GALNTL6: variants seen among roughly 807,000 people sequenced by gnomAD.
GALNTL6 encodes the protein polypeptide N-acetylgalactosaminyltransferase like 6, also known as polypeptide N-acetylgalactosaminyltransferase-like 6.
In GALNTL6, 46 loss-of-function variants were observed where a neutral mutation model predicts 73.7. The observed-to-expected ratio is 0.62, with a 90% confidence interval of 0.49 to 0.80. GALNTL6 has a LOEUF of 0.80. GALNTL6 is among the 30% of genes least tolerant of loss of function. The probability of loss-of-function intolerance (pLI) is 0.00; values close to 1 mark genes in which losing one functional copy is unlikely to be tolerated. For missense variants in GALNTL6, 604 were observed against 755.0 expected (o/e 0.80, Z 2.34); for synonymous variants, 259 against 263.7 (o/e 0.98, Z 0.17).
At chr4:172,516,611 A>G (rs1488412082) in intron 5 of GALNTL6, among the ~76,000 whole-genome samples, 1 of 152,200 alleles carries the variant, frequency 6.6e-6, no homozygotes, top group African/African-American at 2.4e-5. Flanking sequence ...GTATATAATT[A>G]TATTTGTCAA....
chr4:171,867,040 A>G (rs1179109203), intron 2 of GALNTL6, among the ~76,000 whole-genome samples: 1 of 152,096 alleles, frequency 6.6e-6, no homozygotes, highest in African/African-American at 2.4e-5. Context: ...ATTCTATTCA[A>G]CCTGGTAAAA....
At chr4:172,249,051 T>C (rs553860573) in intron 3 of GALNTL6, among the ~76,000 whole-genome samples, 1 of 152,130 alleles carries the variant, frequency 6.6e-6, no homozygotes. Context: ...AACTGGGTAA[T>C]AGGCAGAGGT....
intron 2 of GALNTL6, among the ~76,000 whole-genome samples, chr4:171,936,068 T>C (rs753444482): frequency 7.2e-5 from 11 of 152,158 alleles, no homozygotes; most frequent in Non-Finnish European, 1.5e-4. Context: ...CAAAAAATTA[T>C]TTATGGTCTC....
intron 2 of GALNTL6, among the ~76,000 whole-genome samples, chr4:172,067,373 A>G (rs1383242814): frequency 1.3e-5 from 2 of 151,536 alleles, no homozygotes; most frequent in Non-Finnish European, 2.9e-5. Context: ...TTTCTTTCCT[A>G]TCTCTGTACG....
chr4:172,363,888 A>G (rs1469272229), intron 5 of GALNTL6, among the ~76,000 whole-genome samples: 1 of 152,192 alleles, frequency 6.6e-6, no homozygotes, highest in Non-Finnish European at 1.5e-5. Context: ...GAGAGATTCT[A>G]CAAATAGAAC....
intron 5 of GALNTL6, among the ~76,000 whole-genome samples, chr4:172,723,256 G>A (rs959551699): frequency 6.6e-6 from 1 of 152,198 alleles, no homozygotes; most frequent in Non-Finnish European, 1.5e-5. Flanking sequence ...TGGTGCTAGA[G>A]ATGAGAATGT....
chr4:172,514,775 G>A (rs1734544177), intron 5 of GALNTL6, among the ~76,000 whole-genome samples: 1 of 152,158 alleles, frequency 6.6e-6, no homozygotes, highest in South Asian at 2.1e-4. Context: ...TGCCTACAGG[G>A]CTCTTCCCTG....
chr4:172,550,446 A>G (rs1735915459), intron 5 of GALNTL6, among the ~76,000 whole-genome samples: 1 of 152,074 alleles, frequency 6.6e-6, no homozygotes, highest in Non-Finnish European at 1.5e-5. Flanking sequence ...AGAGATTTAT[A>G]TTTACTCTTC....
At chr4:171,850,308 G>A (rs768125064) in intron 2 of GALNTL6, among the ~76,000 whole-genome samples, 6 of 152,112 alleles carry the variant, frequency 3.9e-5, no homozygotes, top group Non-Finnish European at 7.4e-5. Context: ...AAGTAGGGAC[G>A]TGAAGTTACT....
intron 3 of GALNTL6, among the ~76,000 whole-genome samples, chr4:172,264,660 A>G (rs1738390565): frequency 6.9e-6 from 1 of 143,958 alleles, no homozygotes; most frequent in Admixed American, 7.1e-5. Context: ...ATAAGTGTGT[A>G]TGTATGTATG....
At chr4:172,134,559 A>G (rs1733587636) in intron 2 of GALNTL6, among the ~76,000 whole-genome samples, 1 of 152,178 alleles carries the variant, frequency 6.6e-6, no homozygotes, top group African/African-American at 2.4e-5. Context: ...CATGAGAAAC[A>G]TGATTGGAAG....
At chr4:171,965,174 C>T (rs1426466605) in intron 2 of GALNTL6, among the ~76,000 whole-genome samples, 1 of 152,070 alleles carries the variant, frequency 6.6e-6, no homozygotes, top group East Asian at 1.9e-4. Flanking sequence ...AATAGTTTTC[C>T]CATAAATATT....
At chr4:172,554,539 A>G (rs531190266) in intron 5 of GALNTL6, among the ~76,000 whole-genome samples, 1 of 152,308 alleles carries the variant, frequency 6.6e-6, no homozygotes, top group South Asian at 2.1e-4. Flanking sequence ...ATACTCAAGA[A>G]AAGAGACAGA....
chr4:172,402,054 A>C (rs984423176), intron 5 of GALNTL6, among the ~76,000 whole-genome samples: 1 of 151,862 alleles, frequency 6.6e-6, no homozygotes, highest in African/African-American at 2.4e-5. Flanking sequence ...CATTCACCAT[A>C]CTTCTTACTT....
intron 2 of GALNTL6, among the ~76,000 whole-genome samples, chr4:171,826,296 C>T (rs1401974066): frequency 2.0e-5 from 3 of 152,132 alleles, no homozygotes. Flanking sequence ...GAAAGCACTG[C>T]CATTTGCATG....
At chr4:172,107,216 T>C (rs1732699680) in intron 2 of GALNTL6, among the ~76,000 whole-genome samples, 1 of 152,190 alleles carries the variant, frequency 6.6e-6, no homozygotes, top group Non-Finnish European at 1.5e-5. Flanking sequence ...TTATGGCTTC[T>C]CAGGTCTTAT....
In GALNTL6 at chr4:172,967,295, C is replaced by G. The variant is rs1750375720; in HGVS notation, c.1371+15037C>G. Among the ~76,000 whole-genome samples the G allele has an allele frequency of 2.0e-5, 3 of 152,146 alleles. No individual in the cohort carries two copies. In the South Asian group the frequency reaches 6.2e-4, roughly 31 times the overall value. On this transcript the variant is annotated intron_variant, in intron 10 of 12. Transcript: ENST00000506823. Reference sequence around the variant, plus strand: ...ATTTTATTGCCCAGTCGAAATGATGCCTGATCAATTTCTGGAAAGGATGGC... The same window carrying G: ...ATTTTATTGCCCAGTCGAAATGATGGCTGATCAATTTCTGGAAAGGATGGC...
At chr4:172,430,038 T>C (rs1297752322) in intron 5 of GALNTL6, among the ~76,000 whole-genome samples, 1 of 151,908 alleles carries the variant, frequency 6.6e-6, no homozygotes, top group Non-Finnish European at 1.5e-5. Flanking sequence ...TACAACTTAG[T>C]ATGAATGCGA....
intron 5 of GALNTL6, among the ~76,000 whole-genome samples, chr4:172,501,711 G>A (rs749609190): frequency 1.3e-5 from 2 of 152,132 alleles, no homozygotes. Context: ...CCTTGTAGCT[G>A]TAGTCCACAT....
Sources: allele counts gnomAD v4.1 joint callset (sites outside exome capture counted in the v4.1 genomes callset), GRCh38; gene constraint gnomAD v4.1.1; transcripts MANE v1.5; gene names NCBI Gene and HGNC (gene_info 2026-07-23, HGNC 2026-07-21).